ABCC2: variants seen among roughly 807,000 people sequenced by gnomAD.
The protein encoded by ABCC2 is ATP-binding cassette sub-family C member 2.
In ABCC2, 157 loss-of-function variants were observed where a neutral mutation model predicts 173.4. The observed-to-expected ratio is 0.91, with a 90% confidence interval of 0.80 to 1.03. The LOEUF (loss-of-function observed/expected upper bound fraction) is 1.03. Among genes scored for constraint, ABCC2 ranks in the 50% least tolerant of loss-of-function variants. ABCC2 has a pLI of 0.00. For missense variants in ABCC2, 1,822 were observed against 1,852.3 expected (o/e 0.98, Z 0.30); for synonymous variants, 657 against 693.5 (o/e 0.95, Z 0.83).
chr10:99,792,385 G>T (rs1441186053), intron 3 of ABCC2, 26 bp downstream of exon 3: 2 of 1,613,174 alleles, frequency 1.2e-6, no homozygotes, highest in East Asian at 4.5e-5. Context: ...CTTCTGCCCT[G>T]TTTACCTTTT....
In ABCC2 at chr10:99,834,459, T is replaced by G. The variant is rs772181323; in HGVS notation, c.3338T>G (p.Leu1113Arg). The G allele has an allele frequency of 7.4e-6, 12 of 1,614,070 alleles. No homozygotes were observed. Among genetic ancestry groups the G allele is most frequent in the Non-Finnish European group, 9.3e-6 (11 of 1,180,018 alleles). ...TGCTTCCTGGGGATAATCAGCACCC[T>G]TGTCATGATCTGCATGGCCACTCCT... ...ITCFLGIIST[L>R]VMICMATPVF... Residue 1113 changes from leucine (L) to arginine (R), a missense_variant, in exon 24 of 32, where the codon CTT (leucine) becomes CGT (arginine). Transcript: ENST00000647814.
In ABCC2 at chr10:99,821,664, C is replaced by T. The variant is rs12253584; in HGVS notation, c.2620+2395C>T. Among the ~76,000 whole-genome samples the T allele has an allele frequency of 9.2e-3, 1,408 of 152,240 alleles. 24 individuals are homozygous for T. The highest frequency in any genetic ancestry group is 0.032 in the African/African-American group (1,319 of 41,508). On this transcript the variant is annotated intron_variant, in intron 19 of 31. Transcript: ENST00000647814. Reference sequence around the variant, plus strand: ...GACACAGCACATGTTTCAGAGAGCACGGGGTTGGGGGTAAGGTCACAGAAT... The same window carrying T: ...GACACAGCACATGTTTCAGAGAGCATGGGGTTGGGGGTAAGGTCACAGAAT...
chr10:99,850,083 T>G (rs537315957), intron 30 of ABCC2, among the ~76,000 whole-genome samples: 46 of 152,254 alleles, frequency 3.0e-4, no homozygotes, highest in Non-Finnish European at 6.2e-4. Context: ...AGGCTAGAAT[T>G]ACACATTAAA....
Position 99,793,830 on chromosome 10 carries a change from G to C in ABCC2, c.469-62G>C, listed in dbSNP as rs1222750896. Reference sequence around the variant, plus strand: ...TTTAATCACAAGCATTGATATATACGGGCCATGTAGACTTCCTTTGGACAA... The same window carrying C: ...TTTAATCACAAGCATTGATATATACCGGCCATGTAGACTTCCTTTGGACAA... On this transcript the variant is annotated intron_variant, in intron 4 of 31. Transcript: ENST00000647814. 5.1e-6 allele frequency: 8 copies of C among 1,565,624 alleles called. No homozygotes were observed. In the African/African-American group the frequency reaches 1.1e-4, roughly 21 times the overall value.
At chr10:99,835,779 G>A (rs540833413) in intron 24 of ABCC2, among the ~76,000 whole-genome samples, 17 of 152,214 alleles carry the variant, frequency 1.1e-4, no homozygotes, top group South Asian at 2.1e-4. Context: ...GATGATAGCC[G>A]TAGATCTGGG....
chr10:99,813,516 G>A (rs1036005483), intron 16 of ABCC2, among the ~76,000 whole-genome samples: 4 of 152,164 alleles, frequency 2.6e-5, no homozygotes, highest in African/African-American at 9.7e-5. Flanking sequence ...AGGAGTTCGA[G>A]ACCAGCCTGG....
In ABCC2 at chr10:99,792,215, G is replaced by A; in HGVS notation, c.208-19G>A. The A allele has an allele frequency of 1.9e-6, 3 of 1,613,602 alleles. No individual in the cohort carries two copies. In the South Asian group the frequency reaches 3.3e-5, roughly 18 times the overall value. On this transcript the variant is annotated intron_variant, in intron 2 of 31. Coordinates refer to ENST00000647814, the MANE Select transcript of ABCC2 (RefSeq NM_000392.5). ...TAAAGAATGATATCCTCTTAACAGT[G>A]GTCTTTTTCCCTTCTCAGGTATTCG...
intron 20 of ABCC2, 71 bp downstream of exon 20, chr10:99,830,504 T>G: frequency 4.3e-6 from 7 of 1,609,474 alleles, no homozygotes; most frequent in Non-Finnish European, 5.9e-6. Context: ...TTTTTCTTCC[T>G]GGGCTTTTCC....
At chr10:99,841,263 A>G (rs1337294194) in intron 25 of ABCC2, among the ~76,000 whole-genome samples, 2 of 152,118 alleles carry the variant, frequency 1.3e-5, no homozygotes, top group African/African-American at 4.8e-5. Context: ...TTTAAAATGC[A>G]GATTTTTGGC....
At chr10:99,783,724 G>A (rs777391052) in intron 1 of ABCC2, among the ~76,000 whole-genome samples, 68 of 152,070 alleles carry the variant, frequency 4.5e-4, no homozygotes, top group Non-Finnish European at 8.7e-4. Flanking sequence ...GCAGCACCTC[G>A]TGTCTTAGAA....
At chr10:99,800,682 T>C in intron 9 of ABCC2, 119 bp downstream of exon 9, 1 of 1,140,514 alleles carries the variant, frequency 8.8e-7, no homozygotes, top group Admixed American at 1.8e-5. Context: ...TAATGTTGAC[T>C]GGCCATACAG....
intron 26 of ABCC2, 76 bp from the exon 27 acceptor site, chr10:99,843,723 G>C (rs1310876854): frequency 8.0e-7 from 1 of 1,250,888 alleles, no homozygotes; most frequent in African/African-American, 1.5e-5. Flanking sequence ...GTCGGCACTG[G>C]ATTGTCCTTG....
chr10:99,790,206 T>C, intron 2 of ABCC2, among the ~76,000 whole-genome samples: 1 of 152,236 alleles, frequency 6.6e-6, no homozygotes, highest in East Asian at 1.9e-4. Context: ...CTTGGTCTCA[T>C]CAACTTTGTA....
At chr10:99,836,701 CAT>C (rs1462123254) in intron 25 of ABCC2, among the ~76,000 whole-genome samples, 6 of 152,070 alleles carry the variant, frequency 3.9e-5, no homozygotes, top group African/African-American at 1.4e-4. Flanking sequence ...TGAGATTCTC[CAT>C]AGTCATGACA....
intron 16 of ABCC2, among the ~76,000 whole-genome samples, chr10:99,814,201 A>ATATACACACGTGTATG: frequency 2.7e-5 from 1 of 36,900 alleles, no homozygotes; most frequent in South Asian, 1.1e-3. Context: ...ACATGTGTAT[A>ATATACACACGTGTATG]TATACACACA....
intron 16 of ABCC2, among the ~76,000 whole-genome samples, chr10:99,814,276 C>CAT (rs1377412314): frequency 0.014 from 591 of 43,496 alleles, 135 homozygotes; most frequent in African/African-American, 0.048. Flanking sequence ...TGTATACACA[C>CAT]GTATGTATAC....
intron 26 of ABCC2, among the ~76,000 whole-genome samples, chr10:99,842,760 A>C (rs145457316): frequency 9.5e-4 from 145 of 152,280 alleles, no homozygotes; most frequent in Non-Finnish European, 1.8e-3. Context: ...TTAGAAGTTA[A>C]TAAGGCCTGT....
At chr10:99,823,625 T>C in intron 19 of ABCC2, among the ~76,000 whole-genome samples, 1 of 147,682 alleles carries the variant, frequency 6.8e-6, no homozygotes, top group African/African-American at 2.6e-5. Flanking sequence ...CTGTGTAAGC[T>C]GCTTTTCCAT....
chr10:99,791,241 C>G (rs1052798479), intron 2 of ABCC2, among the ~76,000 whole-genome samples: 1 of 152,072 alleles, frequency 6.6e-6, no homozygotes, highest in Non-Finnish European at 1.5e-5. Context: ...AATCCTGTCT[C>G]TACTAAAAAT....
Sources: allele counts gnomAD v4.1 joint callset (sites outside exome capture counted in the v4.1 genomes callset), GRCh38; gene constraint gnomAD v4.1.1; transcripts MANE v1.5; gene names NCBI Gene and HGNC (gene_info 2026-07-23, HGNC 2026-07-21).